SNTG1: variants seen among roughly 807,000 people sequenced by gnomAD.
The protein encoded by SNTG1 is syntrophin gamma 1.
A neutral mutation model predicts 74.7 loss-of-function variants in SNTG1; 39 were observed. The observed-to-expected ratio is 0.52, with a 90% CI of 0.40 to 0.68. The LOEUF is 0.68. SNTG1 is among the 30% of genes least tolerant of loss of function. The pLI, the probability that SNTG1 is intolerant of heterozygous loss-of-function variation, is 0.00. For synonymous variants in SNTG1, 254 were observed against 217.1 expected (o/e 1.17, Z -1.49); for missense variants, 685 against 609.5 (o/e 1.12, Z -1.30).
intron 13 of SNTG1, among the ~76,000 whole-genome samples, chr8:50,645,774 G>A (rs2095105152): frequency 6.6e-6 from 1 of 152,018 alleles, no homozygotes; most frequent in South Asian, 2.1e-4. Context: ...GTTATATTTT[G>A]CCTCATGTTT....
intron 17 of SNTG1, among the ~76,000 whole-genome samples, chr8:50,741,699 A>G (rs1275014005): frequency 2.0e-5 from 3 of 152,080 alleles, no homozygotes; most frequent in Non-Finnish European, 4.4e-5. Context: ...TGAGCATCAG[A>G]AAAGAAAAGC....
intron 17 of SNTG1, among the ~76,000 whole-genome samples, chr8:50,739,283 A>G (rs1382342471): frequency 6.6e-6 from 1 of 152,162 alleles, no homozygotes; most frequent in Non-Finnish European, 1.5e-5. Context: ...AAAAAAAGAC[A>G]TTTATATAGC....
At chr8:50,295,577 A>T (rs2089323745) in intron 2 of SNTG1, among the ~76,000 whole-genome samples, 2 of 152,160 alleles carry the variant, frequency 1.3e-5, no homozygotes, top group Non-Finnish European at 2.9e-5. Context: ...CTGCATTGTC[A>T]AGTCATAGTT....
chr8:49,930,509 G>A (rs1244315844), intron 1 of SNTG1, among the ~76,000 whole-genome samples: 1 of 150,378 alleles, frequency 6.6e-6, no homozygotes, highest in Non-Finnish European at 1.5e-5. Flanking sequence ...ATATATATGT[G>A]TGTATATATA....
At chr8:50,291,247 T>C (rs1279488572) in intron 2 of SNTG1, among the ~76,000 whole-genome samples, 1 of 149,464 alleles carries the variant, frequency 6.7e-6, no homozygotes, top group Non-Finnish European at 1.5e-5. Context: ...GACATATGTG[T>C]GTGTGTGTGT....
chr8:50,394,155 G>T, intron 2 of SNTG1, 57 bp from the exon 3 acceptor site: 1 of 1,395,246 alleles, frequency 7.2e-7, no homozygotes, highest in African/African-American at 1.4e-5. Flanking sequence ...CTATATTAGT[G>T]TTCTCTCTTA....
chr8:49,933,253 C>T (rs181662788), intron 1 of SNTG1, among the ~76,000 whole-genome samples: 1 of 152,176 alleles, frequency 6.6e-6, no homozygotes, highest in African/African-American at 2.4e-5. Context: ...TTTTCCTCAT[C>T]CTCGCCAATG....
intron 2 of SNTG1, among the ~76,000 whole-genome samples, chr8:50,193,218 C>A (rs2083641451): frequency 6.6e-6 from 1 of 151,876 alleles, no homozygotes; most frequent in South Asian, 2.1e-4. Context: ...GGATTGCATT[C>A]AATTTGTAAA....
At chr8:50,316,146 A>G (rs1410488471) in intron 2 of SNTG1, among the ~76,000 whole-genome samples, 1 of 152,182 alleles carries the variant, frequency 6.6e-6, no homozygotes, top group Non-Finnish European at 1.5e-5. Context: ...CAAGTGATCA[A>G]TTCAAAACAT....
chr8:50,110,597 C>G (rs2080545295), intron 1 of SNTG1, among the ~76,000 whole-genome samples: 1 of 152,290 alleles, frequency 6.6e-6, no homozygotes, highest in South Asian at 2.1e-4. Flanking sequence ...GGGGCTAAAG[C>G]TTTAGGAACC....
intron 15 of SNTG1, among the ~76,000 whole-genome samples, chr8:50,672,413 T>C (rs1326874947): frequency 1.3e-5 from 2 of 152,134 alleles, no homozygotes; most frequent in Non-Finnish European, 2.9e-5. Flanking sequence ...TGTGGTTAGA[T>C]TTGCATTTCT....
chr8:50,624,230 C>T (rs760831773), intron 13 of SNTG1, among the ~76,000 whole-genome samples: 3 of 151,984 alleles, frequency 2.0e-5, no homozygotes, highest in African/African-American at 7.2e-5. Flanking sequence ...GTAACCACTA[C>T]TGACATTTAA....
intron 1 of SNTG1, among the ~76,000 whole-genome samples, chr8:50,071,417 A>G (rs1821355847): frequency 6.6e-6 from 1 of 152,172 alleles, no homozygotes. Context: ...ATATAACAAG[A>G]TTAAATATAT....
rs577585726 is a variant in SNTG1, at chr8:50,792,931, G to A, written c.*102G>A. 1.5e-6 allele frequency: 2 copies of A among 1,325,358 alleles called. No homozygotes were observed. Among genetic ancestry groups the A allele is most frequent in the Non-Finnish European group, 2.0e-6 (2 of 999,802 alleles). 82.1% of individuals were successfully genotyped at this position (1,325,358 alleles called of 1,614,324 possible). ...AAACCATAACATCACCAAGTCGACA[G>A]TGGAGGCAAATCAAAATTTCGGCAG... On this transcript the variant is annotated 3_prime_UTR_variant, in exon 19 of 19. Transcript: ENST00000642720.
At chr8:50,593,508 T>TA (rs964866039) in intron 13 of SNTG1, among the ~76,000 whole-genome samples, 1 of 151,118 alleles carries the variant, frequency 6.6e-6, no homozygotes, top group African/African-American at 2.4e-5. Context: ...TTTGTAGTTG[T>TA]AAAAAAAACC....
Position 50,275,243 on chromosome 8 carries a change from G to C in SNTG1, c.-28+102608G>C, listed in dbSNP as rs993055986. On this transcript the variant is annotated intron_variant, in intron 2 of 18. Coordinates refer to ENST00000642720, the MANE Select transcript of SNTG1 (RefSeq NM_018967.5). ...TCTTAAATGAATCAACACTCTAATAGTGTTTGTCTTTTAATTGATATTTAG... is the reference window on the plus strand; with the variant it reads ...TCTTAAATGAATCAACACTCTAATACTGTTTGTCTTTTAATTGATATTTAG... 2.0e-5 allele frequency among the ~76,000 whole-genome samples: 3 copies of C among 152,070 alleles called. No individual in the cohort carries two copies. In the South Asian group the frequency reaches 6.2e-4, roughly 31 times the overall value.
chr8:50,411,215 G>A (rs1029120837), intron 4 of SNTG1, among the ~76,000 whole-genome samples: 16 of 152,116 alleles, frequency 1.1e-4, no homozygotes, highest in African/African-American at 3.6e-4. Flanking sequence ...TTGGGAGGCC[G>A]AGATGGCCAA....
chr8:49,996,625 A>C (rs1814246364), intron 1 of SNTG1, among the ~76,000 whole-genome samples: 1 of 152,136 alleles, frequency 6.6e-6, no homozygotes, highest in Non-Finnish European at 1.5e-5. Flanking sequence ...TAAATGACCA[A>C]TTGCCAGTCC....
intron 4 of SNTG1, among the ~76,000 whole-genome samples, chr8:50,422,397 T>C (rs2093103136): frequency 6.6e-6 from 1 of 152,126 alleles, no homozygotes; most frequent in Admixed American, 6.6e-5. Context: ...GTATAGAACG[T>C]ACAGCAGATT....
Sources: allele counts gnomAD v4.1 joint callset (sites outside exome capture counted in the v4.1 genomes callset), GRCh38; gene constraint gnomAD v4.1.1; transcripts MANE v1.5; gene names NCBI Gene and HGNC (gene_info 2026-07-23, HGNC 2026-07-21).